ABCC4: variants seen among roughly 807,000 people sequenced by gnomAD.
ABCC4 encodes the protein ATP binding cassette subfamily C member 4 (PEL blood group).
ABCC4 carries 102 observed loss-of-function variants against 168.5 expected under a neutral mutation model. The observed-to-expected ratio is 0.61, with a 90% CI of 0.52 to 0.71. The LOEUF (loss-of-function observed/expected upper bound fraction) is 0.71, where lower values mean the gene tolerates loss of function less well. Among genes scored for constraint, ABCC4 ranks in the 30% least tolerant of loss-of-function variants. ABCC4 has a pLI of 0.00. For synonymous variants in ABCC4, 617 were observed against 590.7 expected (o/e 1.04, Z -0.65); for missense variants, 1,402 against 1,605.8 (o/e 0.87, Z 2.17).
intron 1 of ABCC4, among the ~76,000 whole-genome samples, chr13:95,273,029 G>C (rs1044796149): frequency 3.9e-5 from 6 of 152,082 alleles, no homozygotes; most frequent in Admixed American, 1.3e-4. Context: ...AAAACAAACA[G>C]ATATTTAGGC....
At chr13:95,071,325 T>C (rs942116036) in intron 25 of ABCC4, among the ~76,000 whole-genome samples, 8 of 152,084 alleles carry the variant, frequency 5.3e-5, no homozygotes, top group Admixed American at 4.6e-4. Context: ...GAGAAGGACT[T>C]GAGAAATGCA....
At chr13:95,233,296 T>A (rs2039675009) in intron 4 of ABCC4, among the ~76,000 whole-genome samples, 1 of 139,196 alleles carries the variant, frequency 7.2e-6, no homozygotes, top group African/African-American at 2.7e-5. Flanking sequence ...CAAGATGATT[T>A]AAAGTACATG....
intron 28 of ABCC4, 37 bp from the exon 29 acceptor site, chr13:95,043,824 T>C (rs2032463717): frequency 6.7e-7 from 1 of 1,483,612 alleles, no homozygotes; most frequent in East Asian, 2.3e-5. Flanking sequence ...TTCGTAAAGA[T>C]GCAAAAAGTA....
At chr13:95,205,529 C>T (rs749378739) in intron 8 of ABCC4, among the ~76,000 whole-genome samples, 4 of 152,218 alleles carry the variant, frequency 2.6e-5, no homozygotes, top group African/African-American at 4.8e-5. Flanking sequence ...TCAACTTATT[C>T]ATAAACACAC....
rs1566539822 is a variant in ABCC4 at position 95,218,976 on chromosome 13, AGAAAGAAAGAGTG to A, written c.532-8208_532-8196del. ...AAGAAAGAAAGAAAGAAAGAAAGAA[AGAAAGAAAGAGTG>A]AGAAAGAAAGAAAGAGTGAGAAAGA... On this transcript the variant is annotated intron_variant, in intron 4 of 30. Transcript: ENST00000645237. Among the ~76,000 whole-genome samples, 14 of 41,486 alleles carry A rather than the reference AGAAAGAAAGAGTG, an allele frequency of 3.4e-4. 3 individuals are homozygous for A. Among genetic ancestry groups the A allele is most frequent in the African/African-American group, 1.4e-3 (13 of 9,090 alleles). 27.2% of individuals were successfully genotyped at this position (41,486 alleles called of 152,430 possible). A position where few individuals can be genotyped will look rare whatever the true frequency, so the allele number is the denominator to read the frequency against.
In ABCC4 at chr13:95,166,210, G is replaced by C; in HGVS notation, c.1982C>G (p.Ser661Cys). 1 of 1,614,164 alleles carries C rather than the reference G, an allele frequency of 6.2e-7. No individual in the cohort carries two copies. Among genetic ancestry groups the C allele is most frequent in the South Asian group, 1.1e-5 (1 of 91,082 alleles). ...NRTFSESSVW[S>C]QQSSRPSLKD... ...CAAGGAGGGTCTAGAAGATTGTTGA[G>C]ACCAAACCGAAGACTCTGAGAAGGT... Residue 661 changes from serine (S) to cysteine (C), a missense_variant, in exon 15 of 31, where the codon TCT (serine) becomes TGT (cysteine). Physicochemically the swap from Ser to Cys is moderately radical, Grantham distance 112. Transcript: ENST00000645237.
At chr13:95,297,834 G>C (rs1433354341) in intron 1 of ABCC4, among the ~76,000 whole-genome samples, 1 of 152,174 alleles carries the variant, frequency 6.6e-6, no homozygotes, top group African/African-American at 2.4e-5. Flanking sequence ...GCAATATGAA[G>C]TACTTTCGAG....
At position 95,085,080 on chromosome 13, in the gene ABCC4, C is replaced by T. The variant is rs115085271; in HGVS notation, c.2536-1790G>A. Among the ~76,000 whole-genome samples, 43 of 152,280 alleles carry T rather than the reference C, an allele frequency of 2.8e-4. 1 individual carries two copies. The highest frequency in any genetic ancestry group is 2.3e-3 in the East Asian group (12 of 5,182). ...GATTCACGTTATACATGCTCTGAGG[C>T]CTCCAAAGTTCACTGTCTTACATAA... On this transcript the variant is annotated intron_variant, in intron 20 of 30. Coordinates refer to ENST00000645237, the MANE Select transcript of ABCC4 (RefSeq NM_005845.5).
chr13:95,229,809 C>T (rs1277213225), intron 4 of ABCC4, among the ~76,000 whole-genome samples: 1 of 152,192 alleles, frequency 6.6e-6, no homozygotes, highest in Non-Finnish European at 1.5e-5. Context: ...GATCCAGTCT[C>T]ACTGGTGGCT....
chr13:95,125,055 CA>C (rs1172574855), intron 19 of ABCC4, among the ~76,000 whole-genome samples: 3 of 152,034 alleles, frequency 2.0e-5, no homozygotes, highest in Admixed American at 2.0e-4. Context: ...TACAGCACCT[CA>C]AAACTATGAC....
At chr13:95,037,289 G>A (rs183088209) in intron 29 of ABCC4, among the ~76,000 whole-genome samples, 1 of 152,276 alleles carries the variant, frequency 6.6e-6, no homozygotes, top group African/African-American at 2.4e-5. Context: ...TTGTGAACTT[G>A]AAAAGGAAAA....
intron 4 of ABCC4, among the ~76,000 whole-genome samples, chr13:95,231,802 T>C (rs1273587233): frequency 6.6e-6 from 1 of 152,156 alleles, no homozygotes; most frequent in East Asian, 1.9e-4. Flanking sequence ...GGCAAGCAAG[T>C]CTGCCGAGTT....
intron 30 of ABCC4, among the ~76,000 whole-genome samples, chr13:95,025,784 T>C (rs1015694159): frequency 2.0e-5 from 3 of 152,080 alleles, no homozygotes; most frequent in Admixed American, 6.5e-5. Flanking sequence ...ATATAATTCA[T>C]TCAAAGAAAA....
At chr13:95,170,672 G>GT in intron 13 of ABCC4, 44 bp from the exon 14 acceptor site, 1 of 1,190,032 alleles carries the variant, frequency 8.4e-7, no homozygotes, top group East Asian at 2.4e-5. Context: ...CATGAATGGG[G>GT]TGCTCCACAT....
rs370021809 is a variant in ABCC4 at position 95,277,170 on chromosome 13, C to T, written c.74+24071G>A. 2.2e-4 allele frequency among the ~76,000 whole-genome samples: 33 copies of T among 152,234 alleles called. 1 individual carries two copies. In the East Asian group the frequency reaches 5.0e-3, roughly 23 times the overall value. On this transcript the variant is annotated intron_variant, in intron 1 of 30. Coordinates refer to ENST00000645237, the MANE Select transcript of ABCC4 (RefSeq NM_005845.5). ...TTAACTCTTAAGCACCCACCACTAA[C>T]AGGCACTCTTATAGGTTCTAGACCT... is the stretch of plus-strand genomic sequence containing the variant.
intron 20 of ABCC4, among the ~76,000 whole-genome samples, chr13:95,098,144 A>T (rs1449480674): frequency 6.6e-6 from 1 of 151,664 alleles, no homozygotes; most frequent in Non-Finnish European, 1.5e-5. Flanking sequence ...TAAAAAAAAA[A>T]AAAAAAAAGT....
chr13:95,092,257 GACAAAAAGTCA>G (rs917470006), intron 20 of ABCC4, among the ~76,000 whole-genome samples: 11 of 152,124 alleles, frequency 7.2e-5, no homozygotes, highest in African/African-American at 2.7e-4. Flanking sequence ...AGATCATTAA[GACAAAAAGTCA>G]ACAAAGAAAC....
intron 1 of ABCC4, among the ~76,000 whole-genome samples, chr13:95,258,941 G>A (rs1013001888): frequency 2.0e-5 from 3 of 152,168 alleles, no homozygotes; most frequent in African/African-American, 7.2e-5. Flanking sequence ...CCCTGCCTGC[G>A]GGAGGCTGCT....
chr13:95,098,654 T>C (rs754330035), intron 20 of ABCC4, among the ~76,000 whole-genome samples: 2 of 152,164 alleles, frequency 1.3e-5, no homozygotes, highest in Non-Finnish European at 2.9e-5. Context: ...ATTAAACATA[T>C]ACAAATACAC....
Sources: gnomAD v4.1 joint callset for allele counts (sites outside exome capture counted in the v4.1 genomes callset) on GRCh38, gnomAD v4.1.1 for gene constraint, MANE v1.5 for transcripts, NCBI Gene and HGNC (gene_info 2026-07-23, HGNC 2026-07-21) for gene names.